The following IFI35 variants were observed in gnomAD, a reference collection of about 807,000 sequenced individuals.
IFI35 encodes interferon induced protein 35, also known as interferon-induced 35 kDa protein.
A neutral mutation model predicts 28.6 loss-of-function variants in IFI35; 30 were observed. The observed-to-expected ratio is 1.05, with a 90% CI of 0.79 to 1.43. The LOEUF (loss-of-function observed/expected upper bound fraction) is 1.43. Among genes scored for constraint, IFI35 ranks in the 40% most tolerant of loss-of-function variants. The pLI, the probability that IFI35 is intolerant of heterozygous loss-of-function variation, is 0.00. For synonymous variants in IFI35, 146 were observed against 154.8 expected (o/e 0.94, Z 0.42); for missense variants, 372 against 356.9 (o/e 1.04, Z -0.34).
chr17:43,013,905 A>T, intron 6 of IFI35, 23 bp downstream of exon 6: 1 of 1,529,468 alleles, frequency 6.5e-7, no homozygotes, highest in Non-Finnish European at 8.9e-7. Context: ...GGTGAAGAAC[A>T]GGGGCTGGGC....
intron 1 of IFI35, among the ~76,000 whole-genome samples, chr17:43,010,243 GA>G (rs145084086): frequency 1.0e-3 from 147 of 144,526 alleles, no homozygotes; most frequent in African/African-American, 2.6e-3. Flanking sequence ...CCAAAAAGAA[GA>G]AAAAAAAAAA....
In IFI35 at chr17:43,013,463, T is replaced by G. The variant is rs887726895; in HGVS notation, c.376-13T>G. On this transcript the variant is annotated splice_polypyrimidine_tract_variant and intron_variant, in intron 4 of 6. Coordinates refer to ENST00000415816, the MANE Select transcript of IFI35 (RefSeq NM_001330230.2). The stretch of plus-strand genomic sequence containing the variant: ...AGCTGTGTCTGGGACCACCCCTTGC[T>G]GTCTCCCCCTAGATGTCCAGCCAGT... 2.5e-6 allele frequency: 4 copies of G among 1,613,690 alleles called. No individual in the cohort carries two copies. The highest frequency in any genetic ancestry group is 2.5e-6 in the Non-Finnish European group (3 of 1,179,698).
chr17:43,010,616 G>T (rs2151968504), intron 1 of IFI35, among the ~76,000 whole-genome samples: 1 of 152,260 alleles, frequency 6.6e-6, no homozygotes, highest in Non-Finnish European at 1.5e-5. Context: ...AATAACTAAT[G>T]ATCTTTTTCA....
chr17:43,013,931 C>A, intron 6 of IFI35, 49 bp downstream of exon 6: 2 of 1,416,414 alleles, frequency 1.4e-6, no homozygotes, highest in South Asian at 1.3e-5. Context: ...AACCTGTCTG[C>A]CTGCCAGGAA....
chr17:43,014,241 T>C lies in IFI35; in HGVS notation c.803T>C (p.Leu268Pro), dbSNP rs763230372. The change falls in exon 7 of 7, where the codon CTG (leucine) becomes CCG (proline). Residue 268 changes from leucine (L) to proline (P), a missense_variant. Transcript: ENST00000415816. ...PTRGGGEVEA[L>P]TVVPQGQQGL... ...CGCGGGGGCGGGGAGGTAGAGGCCC[T>C]GACAGTCGTACCCCAAGGACAGCAG... 8.1e-6 allele frequency: 13 copies of C among 1,609,870 alleles called. No homozygotes were observed. The highest frequency in any genetic ancestry group is 1.1e-5 in the Non-Finnish European group (13 of 1,178,112).
chr17:43,007,987 T>C (rs1042963647), intron 1 of IFI35, among the ~76,000 whole-genome samples: 5 of 150,976 alleles, frequency 3.3e-5, no homozygotes, highest in Non-Finnish European at 5.9e-5. Flanking sequence ...CTTCTTAATA[T>C]TATTATTGCC....
intron 1 of IFI35, 71 bp downstream of exon 1, chr17:43,007,039 T>G: frequency 6.6e-7 from 1 of 1,522,224 alleles, no homozygotes; most frequent in Non-Finnish European, 9.1e-7. Context: ...CCTGCAGATA[T>G]CTCAGGGCCT....
chr17:43,014,172 C>T lies in IFI35; in HGVS notation c.734C>T (p.Pro245Leu), dbSNP rs201486546. Residue 245 changes from proline (P) to leucine (L), a missense_variant, in exon 7 of 7, where the codon CCG becomes CTG. Coordinates refer to ENST00000415816, the MANE Select transcript of IFI35 (RefSeq NM_001330230.2). The part of the protein sequence containing the change: ...VLNIPDILDG[P>L]ELHDVLEIHF... ...AACATTCCTGATATCTTGGATGGCCCGGAGCTGCATGACGTCCTGGAGATC... is the reference window on the plus strand; with the variant it reads ...AACATTCCTGATATCTTGGATGGCCTGGAGCTGCATGACGTCCTGGAGATC... 8.7e-6 allele frequency: 14 copies of T among 1,613,886 alleles called. No homozygotes were observed. Among genetic ancestry groups the T allele is most frequent in the Admixed American group, 3.3e-5 (2 of 59,986 alleles).
At position 43,013,067 on chromosome 17, in the gene IFI35, G is replaced by C; in HGVS notation, c.141G>C (p.Lys47Asn). The change falls in exon 3 of 7, where the codon AAG (lysine) becomes AAC (asparagine). Residue 47 changes from lysine to asparagine, a missense_variant. By Grantham distance (94) the Lys-to-Asn change is moderately conservative. Coordinates refer to ENST00000415816, the MANE Select transcript of IFI35 (RefSeq NM_001330230.2). ...PKDKVPFSVP[K>N]IPLVFRGHTQ... ...TCCAGGTCCCATTTTCAGTGCCCAA[G>C]ATCCCCCTGGTATTCCGAGGACACA... 1.2e-6 allele frequency: 2 copies of C among 1,614,046 alleles called. No homozygotes were observed. Among genetic ancestry groups the C allele is most frequent in the Non-Finnish European group, 1.7e-6 (2 of 1,180,002 alleles).
chr17:43,014,337 G>A lies in IFI35; in HGVS notation c.*38G>A, dbSNP rs772740752. 1.4e-6 allele frequency: 2 copies of A among 1,456,044 alleles called. No individual in the cohort carries two copies. Among genetic ancestry groups the A allele is most frequent in the East Asian group, 2.3e-5 (1 of 42,918 alleles). The allele number at this position is 1,456,044 out of a possible 1,614,324, so 90.2% of individuals were successfully genotyped here. On this transcript the variant is annotated 3_prime_UTR_variant, in exon 7 of 7. Coordinates refer to ENST00000415816, the MANE Select transcript of IFI35 (RefSeq NM_001330230.2). ...CTCATCCTCCCCACCCCCCCGCCAA[G>A]GTTCTCACACTGGCCTGGGCTTGGG...
chr17:43,011,336 T>C lies in IFI35; in HGVS notation c.22-843T>C, dbSNP rs527784299. On this transcript the variant is annotated intron_variant, in intron 1 of 6. Coordinates refer to ENST00000415816, the MANE Select transcript of IFI35 (RefSeq NM_001330230.2). The stretch of plus-strand genomic sequence containing the variant: ...GAGTTTGAGACCAACCTGGCCAACA[T>C]GGTGAAAACCTGTTTCTACTAAAAA... Among the ~76,000 whole-genome samples, 76 of 152,180 alleles carry C rather than the reference T, an allele frequency of 5.0e-4. No homozygotes were observed. The East Asian group carries it at 0.014, about 28-fold the overall frequency.
chr17:43,013,481 C>T lies in IFI35; in HGVS notation c.381C>T (p.Ser127=). The T allele has an allele frequency of 6.2e-7, 1 of 1,613,872 alleles. No individual in the cohort carries two copies. Among genetic ancestry groups the T allele is most frequent in the Non-Finnish European group, 8.5e-7 (1 of 1,179,872 alleles). ...ELPMVTTIQM[S]SQLSGRRVLV... The stretch of plus-strand genomic sequence containing the variant: ...CCCTTGCTGTCTCCCCCTAGATGTC[C>T]AGCCAGTTGAGTGGCCGGAGGGTGT... Residue 127 remains serine (S), a synonymous_variant, in exon 5 of 7, where the codon TCC becomes TCT. Coordinates refer to ENST00000415816, the MANE Select transcript of IFI35 (RefSeq NM_001330230.2).
At chr17:43,012,009 G>A in intron 1 of IFI35, 170 bp from the exon 2 acceptor site, 2 of 448,220 alleles carry the variant, frequency 4.5e-6, no homozygotes, top group South Asian at 7.8e-5. Context: ...GCCAAGCCCT[G>A]GGTGGAGGGG....
chr17:43,012,109 A>C (rs692651), intron 1 of IFI35, 70 bp from the exon 2 acceptor site: 1,148,147 of 1,148,300 alleles, frequency 1, 573,998 homozygotes, highest in East Asian at 1. Flanking sequence ...AATAGGCCCC[A>C]CTTCCCCTGG....
intron 2 of IFI35, chr17:43,012,615 G>A (rs2050471114): frequency 8.4e-6 from 2 of 238,076 alleles, no homozygotes; most frequent in South Asian, 1.2e-4. Flanking sequence ...GCACATGCCT[G>A]TAATCCCAGC....
chr17:43,014,113 G>A lies in IFI35; in HGVS notation c.675G>A (p.Arg225=). The A allele has an allele frequency of 6.2e-7, 1 of 1,613,804 alleles. No individual in the cohort carries two copies. Among genetic ancestry groups the A allele is most frequent in the South Asian group, 1.1e-5 (1 of 91,052 alleles). ...VNGEIQKAEI[R]SQPVPRSVLV... is the part of the protein sequence containing the mutation. ...TCTCCTGGCTCCTTTTCCAGATCAG[G>A]TCGCAGCCAGTTCCCCGCTCGGTAC... The change falls in exon 7 of 7, where the codon AGG becomes AGA. Residue 225 remains arginine, a synonymous_variant. Coordinates refer to ENST00000415816, the MANE Select transcript of IFI35 (RefSeq NM_001330230.2).
Position 43,014,391 on chromosome 17 carries a change from C to T in IFI35, c.*92C>T. ...CCATATAGGAGGTCTGTATGTTCAC[C>T]AACAGTGCGGAGGGGTCACACATTG... On this transcript the variant is annotated 3_prime_UTR_variant, in exon 7 of 7. Transcript: ENST00000415816. The T allele has an allele frequency of 2.4e-6, 2 of 849,616 alleles. No individual in the cohort carries two copies. Among genetic ancestry groups the T allele is most frequent in the Non-Finnish European group, 3.6e-6 (2 of 558,476 alleles). 52.6% of individuals were successfully genotyped at this position (849,616 alleles called of 1,614,324 possible).
rs1360147438 is a variant in IFI35 at position 43,006,846 on chromosome 17, C to CCA, written c.-99_-98dup. ...CGGGTCTTGCTGGGGCTGAGAGAGACCACAGCCCTTTGGGGGGTACAAACA... is the reference window on the plus strand; with the variant it reads ...CGGGTCTTGCTGGGGCTGAGAGAGACCACACAGCCCTTTGGGGGGTACAAACA... On this transcript the variant is annotated 5_prime_UTR_variant, in exon 1 of 7. Coordinates refer to ENST00000415816, the MANE Select transcript of IFI35 (RefSeq NM_001330230.2). 3.9e-6 allele frequency: 5 copies of CCA among 1,270,996 alleles called. No individual in the cohort carries two copies. In the African/African-American group the frequency reaches 7.3e-5, roughly 19 times the overall value. 78.7% of individuals were successfully genotyped at this position (1,270,996 alleles called of 1,614,324 possible).
rs768485533 is a variant in IFI35 at position 43,013,192 on chromosome 17, A to C, written c.266A>C (p.Lys89Thr). The C allele has an allele frequency of 9.9e-6, 16 of 1,613,886 alleles. No homozygotes were observed. Among genetic ancestry groups the C allele is most frequent in the African/African-American group, 5.3e-5 (4 of 74,878 alleles). ...GSALITFDDPKVAEQVLQQKE... is the reference protein window; with the variant it reads ...GSALITFDDPTVAEQVLQQKE... ...GCTCTGATCACCTTTGATGACCCCA[A>C]AGGTAAGCTCATGGGGAGCCTCAGG... Residue 89 changes from lysine to threonine, a missense_variant and splice_region_variant, in exon 3 of 7, where the codon AAA becomes ACA. Physicochemically the swap from Lys to Thr is moderately conservative, Grantham distance 78 (BLOSUM62 -1). Coordinates refer to ENST00000415816, the MANE Select transcript of IFI35 (RefSeq NM_001330230.2).
Sources: allele counts gnomAD v4.1 joint callset (sites outside exome capture counted in the v4.1 genomes callset), GRCh38; gene constraint gnomAD v4.1.1; transcripts MANE v1.5; gene names NCBI Gene and HGNC (gene_info 2026-07-23, HGNC 2026-07-21).